NEDD4: variants seen among roughly 807,000 people sequenced by gnomAD.
The protein encoded by NEDD4 is E3 ubiquitin-protein ligase NEDD4.
A neutral mutation model predicts 144.9 loss-of-function variants in NEDD4; 99 were observed. That is an observed-to-expected ratio of 0.68 (90% CI 0.58 to 0.81). NEDD4 has a LOEUF of 0.81. NEDD4 is among the 30% of genes least tolerant of loss of function. The pLI, the probability that NEDD4 is intolerant of heterozygous loss-of-function variation, is 0.00. For synonymous variants in NEDD4, 318 were observed against 350.6 expected (o/e 0.91, Z 1.04); for missense variants, 985 against 1,065.9 (o/e 0.92, Z 1.06).
In NEDD4 at chr15:55,839,885, G is replaced by T. The variant is rs542275229; in HGVS notation, c.2031+562C>A. On this transcript the variant is annotated intron_variant, in intron 21 of 28. Coordinates refer to ENST00000435532, the MANE Select transcript of NEDD4 (RefSeq NM_006154.4). Reference sequence around the variant, plus strand: ...CAGCTACACAGGAGGCTGAGGCAGAGAATTGCTTGAACTTGGAAAGCAGAG... The same window carrying T: ...CAGCTACACAGGAGGCTGAGGCAGATAATTGCTTGAACTTGGAAAGCAGAG... Among the ~76,000 whole-genome samples, 4 of 143,128 alleles carry T rather than the reference G, an allele frequency of 2.8e-5. No individual in the cohort carries two copies. In the East Asian group the frequency reaches 8.8e-4, roughly 31 times the overall value. 93.9% of individuals were successfully genotyped at this position (143,128 alleles called of 152,430 possible). A position where few individuals can be genotyped will look rare whatever the true frequency, so the allele number is the denominator to read the frequency against.
At chr15:55,872,390 CTAT>C (rs2034833528) in intron 7 of NEDD4, 22 bp downstream of exon 7, 3 of 1,166,868 alleles carry the variant, frequency 2.6e-6, no homozygotes, top group Non-Finnish European at 3.6e-6. Context: ...ATTTAATATG[CTAT>C]TATTATTTTA....
chr15:55,884,672 CAG>C (rs1807016475), intron 5 of NEDD4, among the ~76,000 whole-genome samples: 1 of 151,816 alleles, frequency 6.6e-6, no homozygotes, highest in African/African-American at 2.4e-5. Context: ...AGTAATGCAT[CAG>C]AGTCTGTTAA....
chr15:55,842,386 T>TAC (rs1309351378), intron 18 of NEDD4, among the ~76,000 whole-genome samples: 9 of 152,274 alleles, frequency 5.9e-5, no homozygotes, highest in Admixed American at 5.9e-4. Context: ...TAGACTTCTT[T>TAC]ACATCTGAAG....
chr15:55,900,931 G>T (rs971586846), intron 5 of NEDD4, among the ~76,000 whole-genome samples: 48 of 152,110 alleles, frequency 3.2e-4, no homozygotes, highest in Non-Finnish European at 1.6e-4. Flanking sequence ...AAGATCAAGA[G>T]TAAGATAAAA....
intron 2 of NEDD4, among the ~76,000 whole-genome samples, chr15:55,954,304 C>G (rs2037297999): frequency 6.6e-6 from 1 of 152,188 alleles, no homozygotes; most frequent in South Asian, 2.1e-4. Flanking sequence ...GGCACCTCTT[C>G]TACTATCTGC....
intron 2 of NEDD4, among the ~76,000 whole-genome samples, chr15:55,953,270 T>C (rs1210157143): frequency 6.6e-6 from 1 of 151,910 alleles, no homozygotes; most frequent in Non-Finnish European, 1.5e-5. Flanking sequence ...ATTACCCACG[T>C]GAGCCATAGC....
chr15:55,862,776 G>A (rs2034453283), intron 9 of NEDD4, 137 bp downstream of exon 9: 2 of 743,042 alleles, frequency 2.7e-6, no homozygotes, highest in Non-Finnish European at 3.9e-6. Flanking sequence ...TTAAAGTCCT[G>A]GGCAATAAAA....
chr15:55,964,692 GGTGTGTGTGTGT>G (rs58177503), intron 2 of NEDD4, among the ~76,000 whole-genome samples: 82 of 137,222 alleles, frequency 6.0e-4, no homozygotes, highest in East Asian at 3.7e-3. Context: ...TTTTGCTGCT[GGTGTGTGTGTGT>G]GTGTGTGTGT....
At chr15:55,975,407 A>C (rs2037682858) in intron 1 of NEDD4, among the ~76,000 whole-genome samples, 1 of 152,214 alleles carries the variant, frequency 6.6e-6, no homozygotes, top group Non-Finnish European at 1.5e-5. Context: ...TACAAAATCA[A>C]TACACAAAAA....
At chr15:55,933,730 G>A (rs2036828801) in intron 4 of NEDD4, among the ~76,000 whole-genome samples, 1 of 151,912 alleles carries the variant, frequency 6.6e-6, no homozygotes, top group African/African-American at 2.4e-5. Flanking sequence ...CCTCTTTCTT[G>A]ACACTTCTAC....
At chr15:55,947,221 T>C (rs1223157745) in intron 4 of NEDD4, among the ~76,000 whole-genome samples, 3 of 152,066 alleles carry the variant, frequency 2.0e-5, no homozygotes, top group East Asian at 1.9e-4. Flanking sequence ...ATCCAGGAGG[T>C]AGTTTTTTGA....
At chr15:55,938,051 G>C (rs895133610) in intron 4 of NEDD4, among the ~76,000 whole-genome samples, 3 of 152,044 alleles carry the variant, frequency 2.0e-5, no homozygotes, top group Non-Finnish European at 4.4e-5. Flanking sequence ...TACACAAAGG[G>C]GAAAGGACAG....
chr15:55,949,700 G>A (rs1454904301), intron 4 of NEDD4, among the ~76,000 whole-genome samples: 1 of 151,958 alleles, frequency 6.6e-6, no homozygotes, highest in Non-Finnish European at 1.5e-5. Context: ...CTGTCGCAGG[G>A]ACAAAAAACC....
At chr15:55,905,550 C>T (rs1912400) in intron 5 of NEDD4, among the ~76,000 whole-genome samples, 1 of 152,094 alleles carries the variant, frequency 6.6e-6, no homozygotes, top group African/African-American at 2.4e-5. Flanking sequence ...AACATAGGAC[C>T]TGAAACAAAA....
chr15:55,848,180 G>A (rs2033826922), intron 17 of NEDD4, among the ~76,000 whole-genome samples, 192 bp downstream of exon 17: 1 of 152,202 alleles, frequency 6.6e-6, no homozygotes. Flanking sequence ...CTGCTATTGC[G>A]TAGGGTAAGG....
chr15:55,913,386 TA>T (rs2036335992), intron 5 of NEDD4, among the ~76,000 whole-genome samples: 1 of 152,102 alleles, frequency 6.6e-6, no homozygotes, highest in Non-Finnish European at 1.5e-5. Context: ...GCCACTGCTA[TA>T]TTTAGAAAAA....
At chr15:55,887,800 C>T (rs2035441257) in intron 5 of NEDD4, among the ~76,000 whole-genome samples, 1 of 152,122 alleles carries the variant, frequency 6.6e-6, no homozygotes, top group South Asian at 2.1e-4. Context: ...AAGGGGGATT[C>T]ATTACAGGGA....
chr15:55,919,240 T>C (rs988288463), intron 5 of NEDD4, among the ~76,000 whole-genome samples: 2 of 152,188 alleles, frequency 1.3e-5, no homozygotes, highest in Admixed American at 6.5e-5. Flanking sequence ...GATGGAGAGA[T>C]GGATGGTGTC....
chr15:55,985,298 G>A (rs2037871903), intron 1 of NEDD4, among the ~76,000 whole-genome samples: 1 of 152,236 alleles, frequency 6.6e-6, no homozygotes, highest in Non-Finnish European at 1.5e-5. Context: ...TCTGTGGAGT[G>A]AGGGTGAATT....
Sources: gnomAD v4.1 joint callset for allele counts (sites outside exome capture counted in the v4.1 genomes callset) on GRCh38, gnomAD v4.1.1 for gene constraint, MANE v1.5 for transcripts, NCBI Gene and HGNC (gene_info 2026-07-23, HGNC 2026-07-21) for gene names.